TDRD3: variants seen among roughly 807,000 people sequenced by gnomAD.
TDRD3 encodes tudor domain-containing protein 3.
In TDRD3, 45 loss-of-function variants were observed where a neutral mutation model predicts 86.7. The observed-to-expected ratio is 0.52, with a 90% CI of 0.41 to 0.67. TDRD3 has a LOEUF of 0.67. Among genes scored for constraint, TDRD3 ranks in the 30% least tolerant of loss-of-function variants. The pLI is 0.00. For synonymous variants in TDRD3, 298 were observed against 301.7 expected (o/e 0.99, Z 0.13); for missense variants, 814 against 889.0 (o/e 0.92, Z 1.07).
intron 2 of TDRD3, among the ~76,000 whole-genome samples, chr13:60,442,318 A>G (rs989538052): frequency 2.6e-5 from 4 of 152,120 alleles, no homozygotes; most frequent in Non-Finnish European, 5.9e-5. Flanking sequence ...ATAATATAAA[A>G]TGATTCACCA....
chr13:60,540,052 T>C (rs1957776169), intron 12 of TDRD3, among the ~76,000 whole-genome samples: 2 of 152,168 alleles, frequency 1.3e-5, no homozygotes, highest in African/African-American at 4.8e-5. Flanking sequence ...CAAGCACCTA[T>C]GTGACCCTAG....
chr13:60,527,054 C>T (rs879761840), intron 10 of TDRD3, among the ~76,000 whole-genome samples: 1 of 152,058 alleles, frequency 6.6e-6, no homozygotes, highest in Non-Finnish European at 1.5e-5. Flanking sequence ...AGGGTGGTCT[C>T]GAACTCCTGG....
At chr13:60,522,507 T>A (rs1161609262) in intron 10 of TDRD3, among the ~76,000 whole-genome samples, 1 of 152,224 alleles carries the variant, frequency 6.6e-6, no homozygotes, top group Non-Finnish European at 1.5e-5. Context: ...CATATGTTAA[T>A]CCTCCGAGGT....
At chr13:60,551,908 A>G (rs779880273) in intron 12 of TDRD3, among the ~76,000 whole-genome samples, 4 of 152,176 alleles carry the variant, frequency 2.6e-5, no homozygotes, top group Non-Finnish European at 5.9e-5. Context: ...CTATCATGAG[A>G]ACAGCATGGG....
chr13:60,557,137 C>T (rs1382027335), intron 12 of TDRD3, among the ~76,000 whole-genome samples: 2 of 141,608 alleles, frequency 1.4e-5, no homozygotes, highest in African/African-American at 2.7e-5. Flanking sequence ...ACCCAGGAGG[C>T]GGAGCTTGCG....
chr13:60,420,876 G>A (rs954628713), intron 1 of TDRD3, among the ~76,000 whole-genome samples: 10 of 152,122 alleles, frequency 6.6e-5, no homozygotes, highest in Admixed American at 2.0e-4. Context: ...CCCAGGAGGC[G>A]GAGCTTGCAG....
Position 60,427,835 on chromosome 13 carries a change from A to T in TDRD3, c.42-11853A>T, listed in dbSNP as rs940573939. 9.2e-5 allele frequency among the ~76,000 whole-genome samples: 14 copies of T among 152,362 alleles called. 1 individual carries two copies. The highest frequency in any genetic ancestry group is 3.4e-4 in the African/African-American group (14 of 41,584). ...CCTTTCAAAATAATGTTTTTTATTT[A>T]ATTAAATCAATACTTCTCAAGTAAT... On this transcript the variant is annotated intron_variant, in intron 1 of 13. Coordinates refer to ENST00000377881, the MANE Select transcript of TDRD3 (RefSeq NM_001146070.2).
At chr13:60,504,194 C>T (rs1956889724) in intron 8 of TDRD3, among the ~76,000 whole-genome samples, 1 of 152,182 alleles carries the variant, frequency 6.6e-6, no homozygotes, top group African/African-American at 2.4e-5. Flanking sequence ...TTTACATTTT[C>T]ATGCTTTCTG....
intron 1 of TDRD3, among the ~76,000 whole-genome samples, chr13:60,414,137 G>T (rs1954434135): frequency 6.6e-6 from 1 of 152,072 alleles, no homozygotes; most frequent in Non-Finnish European, 1.5e-5. Flanking sequence ...GGAACCAGTT[G>T]TGCAATATGT....
chr13:60,453,248 A>G (rs1955588528), intron 3 of TDRD3, among the ~76,000 whole-genome samples: 1 of 152,314 alleles, frequency 6.6e-6, no homozygotes, highest in Middle Eastern at 3.4e-3. Flanking sequence ...CATACATAAA[A>G]TGGGGACTAA....
intron 1 of TDRD3, among the ~76,000 whole-genome samples, chr13:60,398,493 T>C (rs1954005188): frequency 6.6e-6 from 1 of 152,206 alleles, no homozygotes; most frequent in African/African-American, 2.4e-5. Flanking sequence ...ACACAAGATC[T>C]ATATGGTTCG....
At chr13:60,459,284 C>A (rs1208944729) in intron 3 of TDRD3, among the ~76,000 whole-genome samples, 1 of 152,130 alleles carries the variant, frequency 6.6e-6, no homozygotes, top group African/African-American at 2.4e-5. Context: ...TTTAAAACAG[C>A]CTTTTTCCCC....
At chr13:60,531,922 T>C (rs1186010536) in intron 11 of TDRD3, among the ~76,000 whole-genome samples, 2 of 152,178 alleles carry the variant, frequency 1.3e-5, no homozygotes, top group African/African-American at 4.8e-5. Context: ...CAGAGTTCTT[T>C]AACAAATATT....
At chr13:60,495,808 C>G (rs1332795854) in intron 8 of TDRD3, among the ~76,000 whole-genome samples, 1 of 152,058 alleles carries the variant, frequency 6.6e-6, no homozygotes, top group Non-Finnish European at 1.5e-5. Context: ...GTGGGGGAAG[C>G]CAGTGAGCCA....
In TDRD3 at chr13:60,565,041, C is replaced by CTTTTTTTTTTTTT. The variant is rs869194148; in HGVS notation, c.2119-2464_2119-2452dup. Reference sequence around the variant, plus strand: ...GAACTGAAAACCAAACTATCAGTATCTTTTTTTTTTTTTTTTTTTTTTTTT... The same window carrying CTTTTTTTTTTTTT: ...GAACTGAAAACCAAACTATCAGTATCTTTTTTTTTTTTTTTTTTTTTTTTTTTTTTTTTTTTTT... On this transcript the variant is annotated intron_variant, in intron 12 of 13. Coordinates refer to ENST00000377881, the MANE Select transcript of TDRD3 (RefSeq NM_001146070.2). Among the ~76,000 whole-genome samples, 7 of 70,878 alleles carry CTTTTTTTTTTTTT rather than the reference C, an allele frequency of 9.9e-5. 2 individuals are homozygous for CTTTTTTTTTTTTT. The highest frequency in any genetic ancestry group is 4.3e-4 in the African/African-American group (7 of 16,182). The allele number at this position is 70,878 out of a possible 152,430, so 46.5% of individuals were successfully genotyped here.
At chr13:60,508,431 A>G (rs956917824) in intron 8 of TDRD3, among the ~76,000 whole-genome samples, 2 of 152,202 alleles carry the variant, frequency 1.3e-5, no homozygotes, top group East Asian at 1.9e-4. Flanking sequence ...ATATAGACCA[A>G]TGGAACAGAA....
At chr13:60,408,339 C>T (rs1383061691) in intron 1 of TDRD3, among the ~76,000 whole-genome samples, 1 of 152,180 alleles carries the variant, frequency 6.6e-6, no homozygotes, top group African/African-American at 2.4e-5. Flanking sequence ...TAGAGTGGGG[C>T]ATTGCTGAAA....
At chr13:60,435,441 C>T (rs1356387863) in intron 1 of TDRD3, among the ~76,000 whole-genome samples, 7 of 152,084 alleles carry the variant, frequency 4.6e-5, no homozygotes. Context: ...CCAGTAGAGT[C>T]CCCAAAGTCC....
chr13:60,499,249 A>C (rs754109465), intron 8 of TDRD3, among the ~76,000 whole-genome samples: 1 of 152,230 alleles, frequency 6.6e-6, no homozygotes, highest in African/African-American at 2.4e-5. Flanking sequence ...TGTGCAGAAG[A>C]CAGATGGATC....
Sources: allele counts gnomAD v4.1 joint callset (sites outside exome capture counted in the v4.1 genomes callset), GRCh38; gene constraint gnomAD v4.1.1; transcripts MANE v1.5; gene names NCBI Gene and HGNC (gene_info 2026-07-23, HGNC 2026-07-21).